The following TIMM23B variants were observed in gnomAD, a reference collection of about 807,000 sequenced individuals.
The protein encoded by TIMM23B is mitochondrial import inner membrane translocase subunit Tim23B.
A neutral mutation model predicts 27.3 loss-of-function variants in TIMM23B; 27 were observed. That is an observed-to-expected ratio of 0.99 (90% CI 0.73 to 1.36). The LOEUF (loss-of-function observed/expected upper bound fraction) is 1.36. TIMM23B is among the 40% of genes most tolerant of loss of function. The pLI is 0.00. For missense variants in TIMM23B, 205 were observed against 244.2 expected (o/e 0.84, Z 1.07); for synonymous variants, 73 against 92.4 (o/e 0.79, Z 1.21).
In TIMM23B at chr10:49,955,037, G is replaced by C; in HGVS notation, c.380G>C (p.Trp127Ser). 6.2e-7 allele frequency: 1 copy of C among 1,612,852 alleles called. No individual in the cohort carries two copies. ...LNMVTRQGAL[W>S]ANTLGSLALL... Reference sequence around the variant, plus strand: ...ATGGTGACTAGGCAAGGGGCACTTTGGGCTAATACTCTAGGTTCTCTGGGT... The same window carrying C: ...ATGGTGACTAGGCAAGGGGCACTTTCGGCTAATACTCTAGGTTCTCTGGGT... Residue 127 changes from tryptophan (W) to serine (S), a missense_variant, in exon 5 of 7, where the codon TGG becomes TCG. Physicochemically the swap from Trp to Ser is radical, Grantham distance 177. Transcript: ENST00000651259.
chr10:49,971,031 C>CA (rs1470249327), intron 6 of TIMM23B, among the ~76,000 whole-genome samples: 1 of 152,180 alleles, frequency 6.6e-6, no homozygotes, highest in Non-Finnish European at 1.5e-5. Context: ...ACCTTACCCC[C>CA]AACCCGGTGC....
chr10:49,961,928 T>C (rs1839931009), intron 6 of TIMM23B, among the ~76,000 whole-genome samples: 1 of 150,094 alleles, frequency 6.7e-6, no homozygotes, highest in Non-Finnish European at 1.5e-5. Context: ...CATAGTACTG[T>C]GTCCTTTTAG....
intron 2 of TIMM23B, among the ~76,000 whole-genome samples, chr10:49,947,998 A>G (rs1376624641): frequency 6.6e-6 from 1 of 152,246 alleles, no homozygotes; most frequent in Non-Finnish European, 1.5e-5. Context: ...GTATCTGATA[A>G]GGAATTTATA....
chr10:49,956,217 G>A (rs1285815462), intron 5 of TIMM23B, among the ~76,000 whole-genome samples: 1 of 151,976 alleles, frequency 6.6e-6, no homozygotes, highest in Non-Finnish European at 1.5e-5. Flanking sequence ...TTGTAAGGCT[G>A]AGCGCGGTGT....
chr10:49,956,269 G>A (rs1409784659), intron 5 of TIMM23B, among the ~76,000 whole-genome samples: 6 of 151,976 alleles, frequency 3.9e-5, no homozygotes, highest in African/African-American at 1.4e-4. Flanking sequence ...TTGAGAAAGA[G>A]TTTAAAAGTT....
chr10:49,950,137 A>G (rs1839478770), intron 2 of TIMM23B, among the ~76,000 whole-genome samples: 1 of 151,850 alleles, frequency 6.6e-6, no homozygotes. Context: ...AATAAGGAAA[A>G]TTTAAATATT....
intron 6 of TIMM23B, among the ~76,000 whole-genome samples, chr10:49,968,249 AGTG>A (rs1475745524): frequency 6.6e-5 from 10 of 152,246 alleles, no homozygotes; most frequent in African/African-American, 2.4e-4. Context: ...TGTTGGAGAA[AGTG>A]TTGTGAGCTC....
chr10:49,960,379 T>C (rs1839858631), intron 6 of TIMM23B, among the ~76,000 whole-genome samples: 1 of 148,058 alleles, frequency 6.8e-6, no homozygotes, highest in African/African-American at 2.4e-5. Flanking sequence ...TTTATTTTCA[T>C]GTTTTTAAAT....
intron 2 of TIMM23B, 42 bp from the exon 3 acceptor site, chr10:49,952,084 C>T: frequency 6.9e-7 from 1 of 1,442,898 alleles, no homozygotes; most frequent in Middle Eastern, 1.8e-4. Context: ...AGATTTGTGT[C>T]TTGAGGGACA....
At chr10:49,968,940 A>G (rs1440128288) in intron 6 of TIMM23B, among the ~76,000 whole-genome samples, 1 of 152,248 alleles carries the variant, frequency 6.6e-6, no homozygotes, top group Admixed American at 6.5e-5. Flanking sequence ...TTGCGGTATG[A>G]TGATTATCAA....
chr10:49,953,290 A>G (rs1839602036), intron 4 of TIMM23B, among the ~76,000 whole-genome samples: 2 of 152,236 alleles, frequency 1.3e-5, no homozygotes, highest in Non-Finnish European at 2.9e-5. Context: ...TTGTTCACCC[A>G]GCAGATGGCA....
intron 6 of TIMM23B, among the ~76,000 whole-genome samples, chr10:49,962,319 C>T (rs1839947591): frequency 6.6e-6 from 1 of 151,860 alleles, no homozygotes. Flanking sequence ...TCTCCTGCCT[C>T]AGCTTCCCAA....
At position 49,966,110 on chromosome 10, in the gene TIMM23B, TAATGA is replaced by T. The variant is rs552799082; in HGVS notation, c.515-6895_515-6891del. Among the ~76,000 whole-genome samples the T allele has an allele frequency of 2.7e-4, 35 of 131,710 alleles. No homozygotes were observed. In the South Asian group the frequency reaches 4.8e-3, roughly 18 times the overall value. The allele number at this position is 131,710 out of a possible 152,430, so 86.4% of individuals were successfully genotyped here. A position where few individuals can be genotyped will look rare whatever the true frequency, so the allele number is the denominator to read the frequency against. ...CATGACATGACATGATGAAATGAAA[TAATGA>T]AATGAATAATGAAATGCTGGGTGTG... On this transcript the variant is annotated intron_variant, in intron 6 of 6. Transcript: ENST00000651259.
intron 6 of TIMM23B, among the ~76,000 whole-genome samples, chr10:49,962,619 T>A (rs1589042606): frequency 6.6e-6 from 1 of 152,260 alleles, no homozygotes; most frequent in Admixed American, 6.5e-5. Flanking sequence ...GGGCCTTTAT[T>A]CTTGCTGTTA....
chr10:49,955,885 G>C (rs1839701627), intron 5 of TIMM23B, among the ~76,000 whole-genome samples: 1 of 152,164 alleles, frequency 6.6e-6, no homozygotes. Context: ...GCTTTCATAT[G>C]TTGCTGATGT....
At chr10:49,960,569 C>T (rs1270818320) in intron 6 of TIMM23B, among the ~76,000 whole-genome samples, 1 of 151,966 alleles carries the variant, frequency 6.6e-6, no homozygotes, top group Non-Finnish European at 1.5e-5. Context: ...TAGACTGGTA[C>T]TCCCTTGTTT....
chr10:49,955,131 T>C, intron 5 of TIMM23B, 71 bp downstream of exon 5: 1 of 1,498,228 alleles, frequency 6.7e-7, no homozygotes, highest in Non-Finnish European at 9.3e-7. Context: ...ATGAACAATT[T>C]GATCAACCCA....
At chr10:49,946,150 A>G (rs1311403614) in intron 2 of TIMM23B, among the ~76,000 whole-genome samples, 18 of 150,256 alleles carry the variant, frequency 1.2e-4, no homozygotes, top group Admixed American at 8.6e-4. Flanking sequence ...AGAACACCCC[A>G]CTACACTCCA....
At position 49,956,885 on chromosome 10, in the gene TIMM23B, A is replaced by C. The variant is rs1425979415; in HGVS notation, c.404-1485A>C. On this transcript the variant is annotated intron_variant, in intron 5 of 6. Coordinates refer to ENST00000651259, the MANE Select transcript of TIMM23B (RefSeq NM_001290117.2). ...CTGACTTTTGTGTTGAAAAAAAAAA[A>C]CAGTTTTTCCTCTGCTCTCACACTA... is the stretch of plus-strand genomic sequence containing the variant. Among the ~76,000 whole-genome samples the C allele has an allele frequency of 4.7e-5, 7 of 147,922 alleles. No homozygotes were observed. In the Middle Eastern group the frequency reaches 0.01, roughly 220 times the overall value.
Sources: allele counts gnomAD v4.1 joint callset (sites outside exome capture counted in the v4.1 genomes callset), GRCh38; gene constraint gnomAD v4.1.1; transcripts MANE v1.5; gene names NCBI Gene and HGNC (gene_info 2026-07-23, HGNC 2026-07-21).